CASK: variants seen among roughly 807,000 people sequenced by gnomAD.
The protein encoded by CASK is calcium/calmodulin dependent serine protein kinase.
CASK carries 4 observed loss-of-function variants against 82.9 expected under a neutral mutation model. The ratio of observed to expected loss-of-function variants is 0.05; its 90% confidence interval spans 0.02 to 0.11. The LOEUF (loss-of-function observed/expected upper bound fraction) is 0.11. Among genes scored for constraint, CASK ranks in the 10% least tolerant of loss-of-function variants. The pLI is 1.00. For synonymous variants in CASK, 259 were observed against 253.5 expected, an observed-to-expected ratio of 1.02 and a Z score of -0.20; for missense variants, 358 against 720.9, an observed-to-expected ratio of 0.50 and a Z score of 5.76.
intron 5 of CASK, among the ~76,000 whole-genome samples, chrX:41,715,267 T>C (rs945489440): frequency 8.9e-5 from 10 of 111,778 alleles, no homozygotes; most frequent in Non-Finnish European, 1.3e-4. Context: ...ATATGGAGAA[T>C]GGCCCTATGG....
At chrX:41,541,746 T>A (rs985958259) in intron 22 of CASK, among the ~76,000 whole-genome samples, 7 of 112,055 alleles carry the variant, frequency 6.2e-5, no homozygotes, top group African/African-American at 1.6e-4. Flanking sequence ...ATGCCATCAA[T>A]CTGGGTATGC....
At chrX:41,797,965 A>G (rs1038479674) in intron 2 of CASK, among the ~76,000 whole-genome samples, 22 of 112,200 alleles carry the variant, frequency 2.0e-4, no homozygotes, top group African/African-American at 7.1e-4. Context: ...TACTACTACT[A>G]CTGAATGCAC....
intron 2 of CASK, among the ~76,000 whole-genome samples, chrX:41,847,991 C>A (rs912629444): frequency 8.9e-6 from 1 of 112,159 alleles, no homozygotes; most frequent in Non-Finnish European, 1.9e-5. Flanking sequence ...TGTGCATGGC[C>A]TTCTTAACAT....
At chrX:41,600,971 T>C (rs111231825) in intron 12 of CASK, among the ~76,000 whole-genome samples, 180 of 111,888 alleles carry the variant, frequency 1.6e-3, no homozygotes, top group African/African-American at 5.7e-3. Flanking sequence ...CTTGAAGATA[T>C]CATGCTAAAT....
At chrX:41,692,646 C>T (rs1286315707) in intron 5 of CASK, among the ~76,000 whole-genome samples, 1 of 112,437 alleles carries the variant, frequency 8.9e-6, no homozygotes, top group East Asian at 2.8e-4. Context: ...TTTCCTTCAA[C>T]TTGCTTCTTT....
At chrX:41,547,185 C>T (rs2065035464) in intron 21 of CASK, among the ~76,000 whole-genome samples, 1 of 111,709 alleles carries the variant, frequency 9.0e-6, no homozygotes, top group Admixed American at 9.5e-5. Flanking sequence ...CCGCCCGTCT[C>T]GTCCTCCCAA....
At position 41,853,197 on chromosome X, in the gene CASK, G is replaced by A; in HGVS notation, c.90C>T (p.Ile30=). ...CAAATTGTTGCCCAGTTTCTCTGTT[G>A]ATACATCGTCGTACAACACTGAAGG... The part of the protein sequence containing the change: ...KGPFSVVRRC[I]NRETGQQFAV... Residue 30 remains isoleucine (I), a synonymous_variant, in exon 2 of 27, where the codon ATC becomes ATT. Transcript: ENST00000378163. 8.3e-7 allele frequency: 1 copy of A among 1,203,744 alleles called. No homozygotes were observed. The highest frequency in any genetic ancestry group is 1.1e-6 in the Non-Finnish European group (1 of 889,114).
chrX:41,618,908 G>A (rs1179715519), intron 11 of CASK, among the ~76,000 whole-genome samples: 15 of 100,245 alleles, frequency 1.5e-4, no homozygotes, highest in Non-Finnish European at 3.0e-4. Flanking sequence ...CTCACTGCAA[G>A]CTCCGCCTCC....
chrX:41,749,245 C>A (rs1185636515), intron 3 of CASK, among the ~76,000 whole-genome samples: 2 of 106,539 alleles, frequency 1.9e-5, no homozygotes, highest in Non-Finnish European at 3.9e-5. Flanking sequence ...GCTGAGATTG[C>A]ACCACTGCAC....
chrX:41,552,093 A>ATTTTTT (rs1218077716), intron 21 of CASK, among the ~76,000 whole-genome samples: 1 of 91,990 alleles, frequency 1.1e-5, no homozygotes, highest in Non-Finnish European at 2.2e-5. Context: ...CACCTGGCTA[A>ATTTTTT]TTTTTTTTTT....
chrX:41,737,705 T>A (rs1235647408), intron 5 of CASK, among the ~76,000 whole-genome samples: 1 of 112,710 alleles, frequency 8.9e-6, no homozygotes, highest in Non-Finnish European at 1.9e-5. Context: ...GATGTTGATA[T>A]AATTATCTTT....
intron 5 of CASK, among the ~76,000 whole-genome samples, chrX:41,711,847 G>A: frequency 8.9e-6 from 1 of 112,073 alleles, no homozygotes; most frequent in South Asian, 3.7e-4. Flanking sequence ...CAGGGGTGGG[G>A]GGGCCACCCG....
Position 41,784,946 on chromosome X carries a change from G to T in CASK, c.278+2232C>A, listed in dbSNP as rs769271498. Among the ~76,000 whole-genome samples the T allele has an allele frequency of 1.2e-4, 12 of 104,114 alleles. No individual in the cohort carries two copies. In the South Asian group the frequency reaches 4.7e-3, roughly 41 times the overall value. 90.4% of individuals were successfully genotyped at this position (104,114 alleles called of 115,157 possible). A position where few individuals can be genotyped will look rare whatever the true frequency, so the allele number is the denominator to read the frequency against. On this transcript the variant is annotated intron_variant, in intron 3 of 26. Transcript: ENST00000378163. Reference sequence around the variant, plus strand: ...TGAGAATTATATTCTCACAATAAAAGTTTTTATATATCAACCTAAAAAATA... The same window carrying T: ...TGAGAATTATATTCTCACAATAAAATTTTTTATATATCAACCTAAAAAATA...
At chrX:41,637,450 T>C (rs751195160) in intron 8 of CASK, among the ~76,000 whole-genome samples, 1 of 77,267 alleles carries the variant, frequency 1.3e-5, no homozygotes, top group East Asian at 5.1e-4. Flanking sequence ...TAGAGTGTAG[T>C]GGGCTGATCA....
rs1422319113 is a variant in CASK, at chrX:41,671,550, A to G, written c.430-20T>C. ...GTGGGGCTGAAAAGAAAAACAGACG[A>G]ACAAACAAACAAAAAACAAACCCGA... On this transcript the variant is annotated intron_variant, in intron 5 of 26. Transcript: ENST00000378163. 7.8e-6 allele frequency: 8 copies of G among 1,031,390 alleles called. No individual in the cohort carries two copies. The highest frequency in any genetic ancestry group is 1.1e-5 in the Non-Finnish European group (8 of 735,625). The allele number at this position is 1,031,390 out of a possible 1,213,427, so 85.0% of individuals were successfully genotyped here. A position where few individuals can be genotyped will look rare whatever the true frequency, so the allele number is the denominator to read the frequency against.
chrX:41,613,943 C>T (rs1200716904), intron 11 of CASK, among the ~76,000 whole-genome samples: 1 of 112,237 alleles, frequency 8.9e-6, no homozygotes, highest in Non-Finnish European at 1.9e-5. Context: ...TACTGTGTGG[C>T]TGTCCACGTG....
intron 2 of CASK, among the ~76,000 whole-genome samples, chrX:41,809,984 T>C (rs2070233018): frequency 1.8e-5 from 2 of 111,929 alleles, no homozygotes. Flanking sequence ...GAAGAAAGGG[T>C]ATCAGTGACT....
intron 3 of CASK, among the ~76,000 whole-genome samples, chrX:41,770,900 A>G (rs2069234300): frequency 9.0e-6 from 1 of 111,556 alleles, no homozygotes. Context: ...GACATAGAAA[A>G]TACCACAAGG....
At chrX:41,603,716 G>A (rs915805921) in intron 12 of CASK, among the ~76,000 whole-genome samples, 2 of 111,508 alleles carry the variant, frequency 1.8e-5, no homozygotes, top group African/African-American at 6.5e-5. Flanking sequence ...TCTTAATTAG[G>A]TGGGGGCATT....
Sources: gnomAD v4.1 joint callset for allele counts (sites outside exome capture counted in the v4.1 genomes callset) on GRCh38, gnomAD v4.1.1 for gene constraint, MANE v1.5 for transcripts, NCBI Gene and HGNC (gene_info 2026-07-23, HGNC 2026-07-21) for gene names.